Variants in NECAB2 observed in about 807,000 individuals in gnomAD.
NECAB2 encodes N-terminal EF-hand calcium binding protein 2.
NECAB2 carries 68 observed loss-of-function variants against 51.9 expected under a neutral mutation model. That is an observed-to-expected ratio of 1.31 (90% CI 1.08 to 1.60). The LOEUF (loss-of-function observed/expected upper bound fraction) is 1.60. Among genes scored for constraint, NECAB2 ranks in the 40% most tolerant of loss-of-function variants. NECAB2 has a pLI of 0.00. For synonymous variants in NECAB2, 329 were observed against 203.5 expected, an observed-to-expected ratio of 1.62 and a Z score of -5.25; for missense variants, 854 against 490.3, an observed-to-expected ratio of 1.74 and a Z score of -7.00.
At position 83,994,175 on chromosome 16, in the gene NECAB2, A is replaced by G. The variant is rs907373772; in HGVS notation, c.597-127A>G. The G allele has an allele frequency of 8.4e-6, 7 of 832,530 alleles. No homozygotes were observed. The African/African-American group carries it at 1.0e-4, about 12-fold the overall frequency. The allele number at this position is 832,530 out of a possible 1,614,324, so 51.6% of individuals were successfully genotyped here. On this transcript the variant is annotated intron_variant, in intron 6 of 12. Transcript: ENST00000305202. Reference sequence around the variant, plus strand: ...TTCCTCCTCTGTCAAAACAAAGGCCATGATGCAAGTTCTGTGCATGTGTGA... The same window carrying G: ...TTCCTCCTCTGTCAAAACAAAGGCCGTGATGCAAGTTCTGTGCATGTGTGA...
rs559172712 is a variant in NECAB2 at position 83,986,673 on chromosome 16, C to T, written c.460-3821C>T. On this transcript the variant is annotated intron_variant, in intron 5 of 12. Transcript: ENST00000305202. ...GAACACAGGTGGGTGCCACCACTCA[C>T]GGCAAATTTTTTTTTTTTTTTTTTT... Among the ~76,000 whole-genome samples, 1,171 of 145,390 alleles carry T rather than the reference C, an allele frequency of 8.1e-3. 14 individuals carry two copies. The highest frequency in any genetic ancestry group is 0.062 in the Middle Eastern group (18 of 288).
chr16:83,993,318 ACT>A (rs1183788196), intron 6 of NECAB2: 2 of 151,874 alleles, frequency 1.3e-5, no homozygotes, highest in East Asian at 1.9e-4. Context: ...CACCATAAAG[ACT>A]CTGCCAGCCT....
chr16:83,995,530 A>C (rs574303555), intron 8 of NECAB2, among the ~76,000 whole-genome samples: 2 of 152,192 alleles, frequency 1.3e-5, no homozygotes, highest in Non-Finnish European at 2.9e-5. Flanking sequence ...ATTATGAGGC[A>C]TTCTGTTACC....
At chr16:83,999,606 T>G (rs2084780693) in intron 10 of NECAB2, among the ~76,000 whole-genome samples, 1 of 152,022 alleles carries the variant, frequency 6.6e-6, no homozygotes, top group African/African-American at 2.4e-5. Flanking sequence ...CGCTTTATGG[T>G]CACTTGGGGC....
intron 11 of NECAB2, 137 bp downstream of exon 11, chr16:84,000,938 C>A (rs533220217): frequency 3.7e-6 from 3 of 810,520 alleles, no homozygotes; most frequent in African/African-American, 3.4e-5. Flanking sequence ...TACCCGCTGG[C>A]ATGCTTGCGT....
In NECAB2 at chr16:84,001,825, G is replaced by A. The variant is rs61745010; in HGVS notation, c.1041G>A (p.Arg347=). The A allele has an allele frequency of 3.1e-3, 4,974 of 1,613,980 alleles. 108 individuals carry two copies. In the African/African-American group the frequency reaches 0.052, roughly 17 times the overall value. The change falls in exon 12 of 13, where the codon AGG becomes AGA. Residue 347 remains arginine (R), a splice_region_variant and synonymous_variant. Transcript: ENST00000305202. The part of the protein sequence containing the change: ...EFWETEEAWK[R]HLQSPLCKAF... ...ACTCACACATGTCCCTGCGTCACAG[G>A]CACCTGCAGAGCCCCCTGTGTAAGG...
rs779034200 is a variant in NECAB2, at chr16:83,994,665, C to G, written c.772C>G (p.Leu258Val). The G allele has an allele frequency of 1.2e-6, 2 of 1,614,020 alleles. No individual in the cohort carries two copies. The highest frequency in any genetic ancestry group is 1.1e-5 in the South Asian group (1 of 91,088). The change falls in exon 8 of 13, where the codon CTG (leucine) becomes GTG (valine). Residue 258 changes from leucine (L) to valine (V), a missense_variant. Physicochemically the swap from Leu to Val is conservative, Grantham distance 32. Coordinates refer to ENST00000305202, the MANE Select transcript of NECAB2 (RefSeq NM_019065.3). ...LEAQISRLAE[L>V]IGRLESKALW... ...AGCCCAGATCAGCCGCTTGGCAGAG[C>G]TGATTGGGAGGCTGGAGAGCAAAGT... is the stretch of plus-strand genomic sequence containing the variant.
intron 2 of NECAB2, among the ~76,000 whole-genome samples, chr16:83,977,008 G>C (rs1219400712): frequency 6.6e-6 from 1 of 152,270 alleles, no homozygotes; most frequent in African/African-American, 2.4e-5. Flanking sequence ...ACCCACCCGA[G>C]GAAATGGAGG....
At chr16:83,998,798 C>G (rs915854695) in intron 10 of NECAB2, among the ~76,000 whole-genome samples, 1 of 135,762 alleles carries the variant, frequency 7.4e-6, no homozygotes, top group Non-Finnish European at 1.5e-5. Flanking sequence ...ATGTAGTTGC[C>G]CTTCTCCCCC....
Position 83,993,806 on chromosome 16 carries a change from A to G in NECAB2, c.597-496A>G, listed in dbSNP as rs2084657263. ...TCAGGATCACAGTTTCTGTCCTGTT[A>G]CATCCCGACTGTCAGTGTCTCTTTA... On this transcript the variant is annotated intron_variant, in intron 6 of 12. Transcript: ENST00000305202. Among the ~76,000 whole-genome samples the G allele has an allele frequency of 3.3e-5, 5 of 152,244 alleles. No individual in the cohort carries two copies. The South Asian group carries it at 1.0e-3, about 32-fold the overall frequency.
At chr16:83,994,443 G>GT (rs1276478952) in intron 7 of NECAB2, 23 bp downstream of exon 7, 2 of 1,612,260 alleles carry the variant, frequency 1.2e-6, no homozygotes, top group African/African-American at 2.7e-5. Flanking sequence ...GGGGGCCCTG[G>GT]TGGGGGTACC....
chr16:83,977,115 G>A (rs2084420456), intron 2 of NECAB2, among the ~76,000 whole-genome samples: 1 of 152,206 alleles, frequency 6.6e-6, no homozygotes, highest in Non-Finnish European at 1.5e-5. Flanking sequence ...CTAATCCATA[G>A]GAAGGTGCCA....
chr16:83,971,008 T>C (rs986103992), intron 1 of NECAB2, among the ~76,000 whole-genome samples: 29 of 151,998 alleles, frequency 1.9e-4, no homozygotes, highest in African/African-American at 6.0e-4. Context: ...ACAGGAGAAT[T>C]GCTTGAACCC....
At chr16:84,000,612 T>G in intron 10 of NECAB2, 112 bp from the exon 11 acceptor site, 2 of 771,698 alleles carry the variant, frequency 2.6e-6, no homozygotes, top group East Asian at 2.5e-5. Flanking sequence ...GGAAGAAACA[T>G]TGAAGGCAGC....
intron 2 of NECAB2, among the ~76,000 whole-genome samples, 197 bp from the exon 3 acceptor site, chr16:83,978,247 T>G (rs1212800839): frequency 6.6e-6 from 1 of 152,140 alleles, no homozygotes; most frequent in African/African-American, 2.4e-5. Context: ...AGTGTGGGAA[T>G]TAGCTGGGTG....
intron 12 of NECAB2, 79 bp from the exon 13 acceptor site, chr16:84,002,239 T>A (rs5012586): frequency 6.5e-7 from 1 of 1,535,670 alleles, no homozygotes; most frequent in Non-Finnish European, 9.0e-7. Flanking sequence ...CCCCGACCTG[T>A]CATTCAAGAC....
chr16:83,967,778 G>A (rs2084302944), upstream of NECAB2, among the ~76,000 whole-genome samples: 1 of 148,364 alleles, frequency 6.7e-6, no homozygotes, highest in Non-Finnish European at 1.5e-5. Context: ...ATGGAGGGTG[G>A]ATGGATGGAT....
chr16:83,996,420 C>G (rs2084699892), intron 8 of NECAB2, among the ~76,000 whole-genome samples: 1 of 152,196 alleles, frequency 6.6e-6, no homozygotes, highest in Non-Finnish European at 1.5e-5. Flanking sequence ...ACGGTGGTGA[C>G]TACACAGACT....
At chr16:83,982,254 C>G (rs940604534) in intron 5 of NECAB2, among the ~76,000 whole-genome samples, 1 of 152,198 alleles carries the variant, frequency 6.6e-6, no homozygotes, top group African/African-American at 2.4e-5. Context: ...TGCCATATAT[C>G]TAACAATAGT....
Sources: allele counts gnomAD v4.1 joint callset (sites outside exome capture counted in the v4.1 genomes callset), GRCh38; gene constraint gnomAD v4.1.1; transcripts MANE v1.5; gene names NCBI Gene and HGNC (gene_info 2026-07-23, HGNC 2026-07-21).